The following CEP126 variants were observed in gnomAD, a reference collection of about 807,000 sequenced individuals.
The protein encoded by CEP126 is centrosomal protein of 126 kDa.
A neutral mutation model predicts 107.8 loss-of-function variants in CEP126; 74 were observed. That is an observed-to-expected ratio of 0.69 (90% confidence interval 0.57 to 0.83). The LOEUF (loss-of-function observed/expected upper bound fraction) is 0.83. CEP126 is among the 40% of genes least tolerant of loss of function. The probability of loss-of-function intolerance (pLI) is 0.00; values close to 1 mark genes in which losing one functional copy is unlikely to be tolerated. For missense variants in CEP126, 1,237 were observed against 1,281.9 expected, an observed-to-expected ratio of 0.96 and a Z score of 0.53; for synonymous variants, 449 against 446.0, an observed-to-expected ratio of 1.01 and a Z score of -0.08.
rs1941500659 is a variant in CEP126, at chr11:102,000,875, ATT to A, written c.*3233_*3234del. 2 of 152,146 alleles carry A rather than the reference ATT, an allele frequency of 1.3e-5. No homozygotes were observed. Among genetic ancestry groups the A allele is most frequent in the Admixed American group, 1.3e-4 (2 of 15,278 alleles). The allele number at this position is 152,146 out of a possible 1,614,324, so 9.4% of individuals were successfully genotyped here. ...TACCATGAACTTATTTTAAATCCAT[ATT>A]GTACCAGAATGACTATGTCTGTGTT... On this transcript the variant is annotated 3_prime_UTR_variant, in exon 11 of 11. Transcript: ENST00000263468.
chr11:101,979,732 T>C (rs1043723455), intron 7 of CEP126, among the ~76,000 whole-genome samples: 2 of 152,124 alleles, frequency 1.3e-5, no homozygotes, highest in Non-Finnish European at 2.9e-5. Context: ...AGCAAGACCC[T>C]GTCTCTCAAA....
intron 2 of CEP126, among the ~76,000 whole-genome samples, chr11:101,938,021 C>T (rs1326565600): frequency 2.0e-5 from 3 of 151,074 alleles, no homozygotes; most frequent in Non-Finnish European, 4.4e-5. Flanking sequence ...GGCGTGGTGG[C>T]GGACGCCTGT....
At chr11:101,953,414 C>T (rs1940839487) in intron 4 of CEP126, among the ~76,000 whole-genome samples, 1 of 152,088 alleles carries the variant, frequency 6.6e-6, no homozygotes, top group Admixed American at 6.5e-5. Context: ...TAACCCTTTA[C>T]TCACACACTA....
intron 7 of CEP126, among the ~76,000 whole-genome samples, chr11:101,979,529 C>A (rs953744030): frequency 6.6e-6 from 1 of 152,118 alleles, no homozygotes; most frequent in Non-Finnish European, 1.5e-5. Context: ...AGGAGGATTA[C>A]TTGAGCTCAG....
At chr11:101,979,726 A>C (rs1386850510) in intron 7 of CEP126, among the ~76,000 whole-genome samples, 1 of 152,230 alleles carries the variant, frequency 6.6e-6, no homozygotes, top group Admixed American at 6.5e-5. Flanking sequence ...TGACAGAGCA[A>C]GACCCTGTCT....
intron 6 of CEP126, among the ~76,000 whole-genome samples, chr11:101,967,941 T>C (rs1249336881): frequency 6.6e-6 from 1 of 152,210 alleles, no homozygotes; most frequent in Non-Finnish European, 1.5e-5. Flanking sequence ...GCACCATTTA[T>C]TTTATATAGT....
At chr11:101,922,214 G>T (rs1940339650) in intron 1 of CEP126, among the ~76,000 whole-genome samples, 1 of 148,928 alleles carries the variant, frequency 6.7e-6, no homozygotes, top group Admixed American at 6.7e-5. Context: ...ACCCAGACTG[G>T]AGTGCAATGG....
At position 101,966,072 on chromosome 11, in the gene CEP126, A is replaced by G. The variant is rs1176043727; in HGVS notation, c.2845+2192A>G. 2.0e-5 allele frequency among the ~76,000 whole-genome samples: 3 copies of G among 152,196 alleles called. No homozygotes were observed. In the South Asian group the frequency reaches 6.2e-4, roughly 31 times the overall value. On this transcript the variant is annotated intron_variant, in intron 6 of 10. Transcript: ENST00000263468. ...CTGGAGAAACCAATATTTTCCTGACATTTAGTCAAAGGAGGTAGTTCTCTC... is the reference window on the plus strand; with the variant it reads ...CTGGAGAAACCAATATTTTCCTGACGTTTAGTCAAAGGAGGTAGTTCTCTC...
chr11:101,962,907 A>T lies in CEP126; in HGVS notation c.1872A>T (p.Pro624=). 1 of 1,609,856 alleles carries T rather than the reference A, an allele frequency of 6.2e-7. No individual in the cohort carries two copies. The highest frequency in any genetic ancestry group is 1.3e-5 in the African/African-American group (1 of 74,728). The change falls in exon 6 of 11, where the codon CCA becomes CCT. Residue 624 remains proline (P), a synonymous_variant. Coordinates refer to ENST00000263468, the MANE Select transcript of CEP126 (RefSeq NM_020802.4). ...ELTKEKGAEI[P]KTIKKLRWFD... Reference sequence around the variant, plus strand: ...CAAAGGAAAAAGGTGCAGAAATTCCAAAGACCATTAAAAAACTGAGGTGGT... The same window carrying T: ...CAAAGGAAAAAGGTGCAGAAATTCCTAAGACCATTAAAAAACTGAGGTGGT...
chr11:101,927,111 G>A (rs1051449225), intron 2 of CEP126, among the ~76,000 whole-genome samples: 9 of 152,216 alleles, frequency 5.9e-5, no homozygotes, highest in Non-Finnish European at 1.2e-4. Context: ...AGACCAGCCT[G>A]GCCAACCTGG....
chr11:101,994,638 T>G (rs1294853752), intron 10 of CEP126, among the ~76,000 whole-genome samples: 1 of 152,214 alleles, frequency 6.6e-6, no homozygotes, highest in Non-Finnish European at 1.5e-5. Context: ...CCGTTCCCCA[T>G]TGCTTGTTTC....
At chr11:101,967,378 T>C (rs948810487) in intron 6 of CEP126, among the ~76,000 whole-genome samples, 1 of 152,212 alleles carries the variant, frequency 6.6e-6, no homozygotes, top group African/African-American at 2.4e-5. Context: ...TGGTCTTTTT[T>C]GTCACAAGAA....
At chr11:101,929,086 A>T (rs569736813) in intron 2 of CEP126, among the ~76,000 whole-genome samples, 1 of 151,934 alleles carries the variant, frequency 6.6e-6, no homozygotes, top group South Asian at 2.1e-4. Flanking sequence ...CTTTATATTG[A>T]TTCTTTATGT....
chr11:101,995,670 A>T (rs1363742063), intron 10 of CEP126, among the ~76,000 whole-genome samples: 1 of 152,232 alleles, frequency 6.6e-6, no homozygotes, highest in African/African-American at 2.4e-5. Context: ...ACAGTACTGG[A>T]CATACACTGA....
intron 10 of CEP126, among the ~76,000 whole-genome samples, chr11:101,995,684 ATTC>A (rs1294988797): frequency 6.6e-6 from 1 of 152,222 alleles, no homozygotes; most frequent in Non-Finnish European, 1.5e-5. Flanking sequence ...ACACTGACAA[ATTC>A]TTCTTTTGCT....
At position 101,944,314 on chromosome 11, in the gene CEP126, A is replaced by G. The variant is rs749855336; in HGVS notation, c.298A>G (p.Arg100Gly). The change falls in exon 3 of 11, where the codon AGA becomes GGA. Residue 100 changes from arginine (R) to glycine (G), a missense_variant. Around this residue, in one of 3 missense-constraint regions of CEP126, gnomAD observed 1,134 missense variants for 1,150.5 expected, o/e 0.99. Transcript: ENST00000263468. ...KEQEEKEHQIREQILQQRKQK... is the reference protein window; with the variant it reads ...KEQEEKEHQIGEQILQQRKQK... ...ACAGGAAGAAAAAGAACACCAAATTAGAGAACAAATACTTCAACAAAGAAA... is the reference window on the plus strand; with the variant it reads ...ACAGGAAGAAAAAGAACACCAAATTGGAGAACAAATACTTCAACAAAGAAA... 17 of 1,610,624 alleles carry G rather than the reference A, an allele frequency of 1.1e-5. No homozygotes were observed. The highest frequency in any genetic ancestry group is 2.2e-5 in the South Asian group (2 of 89,984).
intron 4 of CEP126, chr11:101,956,521 ATCT>A (rs761251828): frequency 1.3e-5 from 6 of 456,122 alleles, no homozygotes; most frequent in South Asian, 3.1e-5. Context: ...GTCATTCTCC[ATCT>A]TCTTCTTTGC....
chr11:101,997,133 GT>G (rs1448227885), intron 10 of CEP126, among the ~76,000 whole-genome samples: 1 of 152,154 alleles, frequency 6.6e-6, no homozygotes, highest in African/African-American at 2.4e-5. Context: ...CGCCTCCCAG[GT>G]TCAAGGGATT....
intron 9 of CEP126, among the ~76,000 whole-genome samples, chr11:101,990,870 A>T (rs1006008108): frequency 4.6e-5 from 7 of 152,152 alleles, no homozygotes; most frequent in Non-Finnish European, 8.8e-5. Flanking sequence ...GGAATTTGAA[A>T]TTAGTAATGT....
Sources: gnomAD v4.1 joint callset for allele counts (sites outside exome capture counted in the v4.1 genomes callset) on GRCh38, gnomAD v4.1.1 for gene constraint, gnomAD v4.1.1 regional missense constraint, MANE v1.5 for transcripts, NCBI Gene and HGNC (gene_info 2026-07-23, HGNC 2026-07-21) for gene names.